The following FER1L5 variants were observed in gnomAD, a reference collection of about 807,000 sequenced individuals.
FER1L5 encodes the protein fer-1-like protein 5.
Under a neutral mutation model 279.9 loss-of-function variants are expected in FER1L5, and 187 were observed. The ratio of observed to expected loss-of-function variants is 0.67; its 90% CI spans 0.59 to 0.75. FER1L5 has a LOEUF of 0.75. Ranked by LOEUF, FER1L5 falls within the 30% of genes least tolerant of loss-of-function variation. The pLI is 0.00. For missense variants in FER1L5, 2,091 were observed against 2,594.4 expected (o/e 0.81, Z 4.21); for synonymous variants, 921 against 989.7 (o/e 0.93, Z 1.30).
At chr2:96,651,546 G>C (rs1030962958) in intron 6 of FER1L5, among the ~76,000 whole-genome samples, 1 of 143,106 alleles carries the variant, frequency 7.0e-6, no homozygotes, top group Admixed American at 7.1e-5. Flanking sequence ...CTGTTGCCCA[G>C]GCTGGAGTGC....
Position 96,694,356 on chromosome 2 carries a change from C to CCAGAAGCTTGGAGAGAAG in FER1L5, c.3637_3654dup. 1 of 1,546,290 alleles carries CCAGAAGCTTGGAGAGAAG rather than the reference C, an allele frequency of 6.5e-7. No homozygotes were observed. Among genetic ancestry groups the CCAGAAGCTTGGAGAGAAG allele is most frequent in the East Asian group, 2.4e-5 (1 of 40,854 alleles). On this transcript the variant is annotated splice_polypyrimidine_tract_variant and splice_region_variant and intron_variant, in intron 33 of 52. Coordinates refer to ENST00000624922, the MANE Select transcript of FER1L5 (RefSeq NM_001293083.2). The surrounding 1 kb of genome is among the most constrained non-coding windows in gnomAD (Gnocchi z 4.6). ...AGGGCCTCATGCTCCCTGCCCTCCC[C>CCAGAAGCTTGGAGAGAAG]CAGAAGCTTGGAGAGAAGCAGCTGC...
rs1387388821 is a variant in FER1L5, at chr2:96,673,296, C to A, written c.1669+42C>A. ...GGCAATAAGTAGAGAGCAGCCACTGCATGCCAGGCCCTGTGCTAGGCTCTC... is the reference window on the plus strand; with the variant it reads ...GGCAATAAGTAGAGAGCAGCCACTGAATGCCAGGCCCTGTGCTAGGCTCTC... On this transcript the variant is annotated intron_variant, in intron 19 of 52. Transcript: ENST00000624922. 2.0e-6 allele frequency: 3 copies of A among 1,520,698 alleles called. No individual in the cohort carries two copies. In the South Asian group the frequency reaches 3.6e-5, roughly 18 times the overall value. The allele number at this position is 1,520,698 out of a possible 1,614,324, so 94.2% of individuals were successfully genotyped here.
chr2:96,652,014 T>G lies in FER1L5; in HGVS notation c.627T>G (p.Phe209Leu). The change falls in exon 7 of 53, where the codon TTT becomes TTG. Residue 209 changes from phenylalanine (F) to leucine (L), a missense_variant. Coordinates refer to ENST00000624922, the MANE Select transcript of FER1L5 (RefSeq NM_001293083.2). ...TCAAGATGGGAAACAACCCTTTCTT[T>G]AATGAGGTGGGCTGAACGGGGCACA... ...TRIKMGNNPF[F>L]NEIFFQNFHE... The G allele has an allele frequency of 6.4e-7, 1 of 1,551,732 alleles. No individual in the cohort carries two copies. The highest frequency in any genetic ancestry group is 1.2e-5 in the South Asian group (1 of 84,060).
intron 44 of FER1L5, 26 bp from the exon 45 acceptor site, chr2:96,700,306 C>T (rs745927606): frequency 1.9e-6 from 3 of 1,610,522 alleles, no homozygotes; most frequent in East Asian, 2.2e-5. Context: ...CTCGCAATCC[C>T]CTCCTTCCAT....
chr2:96,659,279 ATTTAT>A (rs1558852302), intron 9 of FER1L5, among the ~76,000 whole-genome samples: 1 of 135,934 alleles, frequency 7.4e-6, no homozygotes. Flanking sequence ...ATGAAGTCCA[ATTTAT>A]CAAGCTTTCC....
chr2:96,650,317 TG>T, intron 6 of FER1L5, 28 bp downstream of exon 6: 1 of 1,529,714 alleles, frequency 6.5e-7, no homozygotes, highest in Non-Finnish European at 8.9e-7. Context: ...TGCAAGTTCA[TG>T]GGACTCACCT....
In FER1L5 at chr2:96,691,140, C is replaced by T; in HGVS notation, c.2744-50C>T. ...TGTCTCCCGGGTTTGTCCAGGCCTC[C>T]CAACCTGCGGGCACCTGAGGACTCA... On this transcript the variant is annotated intron_variant, in intron 27 of 52. Coordinates refer to ENST00000624922, the MANE Select transcript of FER1L5 (RefSeq NM_001293083.2). This position sits in a 1 kb window ranked among gnomAD's most constrained non-coding sequence, Gnocchi z 6.0. 6.6e-7 allele frequency: 1 copy of T among 1,506,954 alleles called. No homozygotes were observed. Among genetic ancestry groups the T allele is most frequent in the Non-Finnish European group, 8.9e-7 (1 of 1,123,456 alleles). 93.3% of individuals were successfully genotyped at this position (1,506,954 alleles called of 1,614,324 possible).
intron 19 of FER1L5, among the ~76,000 whole-genome samples, chr2:96,681,705 T>G (rs2106633732): frequency 6.6e-6 from 1 of 152,270 alleles, no homozygotes; most frequent in African/African-American, 2.4e-5. Flanking sequence ...GACTGCTGTG[T>G]ATTATTCTAT....
At chr2:96,685,082 G>T (rs1307068843) in intron 20 of FER1L5, among the ~76,000 whole-genome samples, 1 of 152,094 alleles carries the variant, frequency 6.6e-6, no homozygotes, top group Non-Finnish European at 1.5e-5. Flanking sequence ...TCAGGGCTCT[G>T]CACTGCTTTC....
rs34409923 is a variant in FER1L5 at position 96,702,933 on chromosome 2, G to A, written c.5398-45G>A. The A allele has an allele frequency of 0.013, 20,407 of 1,576,712 alleles. 155 individuals carry two copies. Among genetic ancestry groups the A allele is most frequent in the Non-Finnish European group, 0.015 (17,895 of 1,159,890 alleles). On this transcript the variant is annotated intron_variant, in intron 48 of 52. Coordinates refer to ENST00000624922, the MANE Select transcript of FER1L5 (RefSeq NM_001293083.2). This position sits in a 1 kb window ranked among gnomAD's most constrained non-coding sequence, Gnocchi z 4.0. ...GGCCACTGAGGGGTGCAAGGGAAAC[G>A]TCCAGGAGACAGGCCGGTAACACGC...
intron 21 of FER1L5, among the ~76,000 whole-genome samples, 162 bp from the exon 22 acceptor site, chr2:96,685,778 G>A (rs1425561484): frequency 6.6e-6 from 1 of 152,220 alleles, no homozygotes; most frequent in Non-Finnish European, 1.5e-5. Flanking sequence ...CAGCGAGCAG[G>A]CTTCCTATGG....
At chr2:96,685,507 C>T (rs1373728242) in intron 21 of FER1L5, 78 bp downstream of exon 21, 3 of 1,209,108 alleles carry the variant, frequency 2.5e-6, no homozygotes, top group East Asian at 5.1e-5. Context: ...GCGCAGTGCC[C>T]TGAACACCTC....
intron 6 of FER1L5, 76 bp from the exon 7 acceptor site, chr2:96,651,816 T>C: frequency 6.5e-7 from 1 of 1,540,724 alleles, no homozygotes; most frequent in Non-Finnish European, 8.8e-7. Context: ...TGGCCTAGAA[T>C]GTTTTCTTAT....
intron 17 of FER1L5, 83 bp downstream of exon 17, chr2:96,669,220 G>A (rs2106564564): frequency 7.5e-7 from 1 of 1,340,852 alleles, no homozygotes; most frequent in East Asian, 2.5e-5. Context: ...CGTGCCCCGA[G>A]GCCCCGGCCC....
intron 12 of FER1L5, 100 bp downstream of exon 12, chr2:96,661,891 T>A: frequency 6.8e-7 from 1 of 1,476,850 alleles, no homozygotes; most frequent in South Asian, 1.3e-5. Context: ...GGCACTAAAC[T>A]ACTGTTTGGG....
At chr2:96,662,189 G>A (rs1369109658) in intron 12 of FER1L5, 26 bp from the exon 13 acceptor site, 37 of 1,550,852 alleles carry the variant, frequency 2.4e-5, no homozygotes, top group Non-Finnish European at 3.2e-5. Context: ...TGCTGGCTCA[G>A]ATATCTTTTA....
chr2:96,655,111 A>G (rs2075547832), intron 9 of FER1L5, among the ~76,000 whole-genome samples: 1 of 152,174 alleles, frequency 6.6e-6, no homozygotes, highest in African/African-American at 2.4e-5. Flanking sequence ...CTCCCATGAT[A>G]CTGTGGACAC....
chr2:96,672,451 A>G (rs1415121557), intron 18 of FER1L5, among the ~76,000 whole-genome samples: 1 of 152,138 alleles, frequency 6.6e-6, no homozygotes, highest in Non-Finnish European at 1.5e-5. Context: ...TGGGAGAAGG[A>G]AAGTTATTTT....
intron 15 of FER1L5, 31 bp from the exon 16 acceptor site, chr2:96,668,855 G>A (rs2076221346): frequency 6.4e-7 from 1 of 1,551,616 alleles, no homozygotes; most frequent in Non-Finnish European, 8.7e-7. Context: ...CTGGGCCGGG[G>A]GCTCAGCCTG....
Sources: allele counts gnomAD v4.1 joint callset (sites outside exome capture counted in the v4.1 genomes callset), GRCh38; gene constraint gnomAD v4.1.1; non-coding constraint Gnocchi (gnomAD v3.1); transcripts MANE v1.5; gene names NCBI Gene and HGNC (gene_info 2026-07-23, HGNC 2026-07-21).